Variants in RGL1 observed in about 807,000 individuals in gnomAD.
RGL1 encodes the protein ral guanine nucleotide dissociation stimulator like 1.
Under a neutral mutation model 95.2 loss-of-function variants are expected in RGL1, and 24 were observed. The ratio of observed to expected loss-of-function variants is 0.25; its 90% CI spans 0.18 to 0.35. The LOEUF (loss-of-function observed/expected upper bound fraction) is 0.35. RGL1 is among the 10% of genes least tolerant of loss of function. RGL1 has a pLI of 1.00. For missense variants in RGL1, 715 were observed against 936.3 expected (o/e 0.76, Z 3.08); for synonymous variants, 329 against 344.9 (o/e 0.95, Z 0.51).
chr1:183,897,692 A>C, intron 9 of RGL1, 116 bp from the exon 10 acceptor site: 1 of 672,946 alleles, frequency 1.5e-6, no homozygotes, highest in East Asian at 2.8e-5. Flanking sequence ...TTCATTTTGC[A>C]TGGTGTTCCG....
intron 3 of RGL1, among the ~76,000 whole-genome samples, chr1:183,856,770 G>A (rs1008873334): frequency 6.6e-6 from 1 of 151,904 alleles, no homozygotes; most frequent in Non-Finnish European, 1.5e-5. Flanking sequence ...AAAGAGGATT[G>A]TAAGAAGGGT....
intron 8 of RGL1, among the ~76,000 whole-genome samples, chr1:183,891,534 C>T (rs1163913180): frequency 1.3e-5 from 2 of 152,098 alleles, no homozygotes; most frequent in Non-Finnish European, 2.9e-5. Flanking sequence ...GGTTGCAGAG[C>T]CCATCCGGTT....
At chr1:183,721,836 A>G (rs1656028571) in intron 1 of RGL1, among the ~76,000 whole-genome samples, 1 of 152,168 alleles carries the variant, frequency 6.6e-6, no homozygotes, top group South Asian at 2.1e-4. Context: ...TCCCTTGCCT[A>G]CTTTTACTTT....
chr1:183,783,043 A>T (rs1445048254), intron 2 of RGL1, among the ~76,000 whole-genome samples: 4 of 152,210 alleles, frequency 2.6e-5, no homozygotes, highest in African/African-American at 9.6e-5. Flanking sequence ...TAACCGGGGG[A>T]GGGTAGAGCT....
At chr1:183,918,447 C>T (rs1669117244) in intron 16 of RGL1, among the ~76,000 whole-genome samples, 1 of 152,334 alleles carries the variant, frequency 6.6e-6, no homozygotes, top group Admixed American at 6.5e-5. Flanking sequence ...CTGCACCAAT[C>T]AGAGAGAATG....
intron 2 of RGL1, among the ~76,000 whole-genome samples, chr1:183,789,190 T>C (rs752103178): frequency 2.7e-4 from 41 of 152,312 alleles, no homozygotes; most frequent in South Asian, 1.2e-3. Flanking sequence ...ATGCCTATAA[T>C]CCCAGCACTT....
intron 1 of RGL1, among the ~76,000 whole-genome samples, chr1:183,641,904 C>G (rs1431148469): frequency 6.6e-6 from 1 of 152,190 alleles, no homozygotes; most frequent in Non-Finnish European, 1.5e-5. Flanking sequence ...AATCATGCAT[C>G]TCATCTACAT....
chr1:183,895,048 AT>A (rs1332581082), intron 9 of RGL1, among the ~76,000 whole-genome samples: 7 of 152,268 alleles, frequency 4.6e-5, no homozygotes, highest in Non-Finnish European at 1.0e-4. Flanking sequence ...CTTGGTAAGA[AT>A]TTTTTCGGTT....
intron 1 of RGL1, among the ~76,000 whole-genome samples, chr1:183,697,929 T>G (rs4497174): frequency 0.71 from 107,799 of 152,026 alleles, 38,734 homozygotes; most frequent in East Asian, 0.91. Flanking sequence ...TTTCTGTCTG[T>G]GTTGACCTAA....
At chr1:183,681,764 A>C (rs376282319) in intron 1 of RGL1, among the ~76,000 whole-genome samples, 5 of 152,236 alleles carry the variant, frequency 3.3e-5, no homozygotes, top group East Asian at 3.9e-4. Context: ...CACCTCCTCT[A>C]TGAACCTCTG....
At position 183,928,043 on chromosome 1, in the gene RGL1, T is replaced by C. The variant is rs1202227365; in HGVS notation, c.*1751T>C. ...TTTCAACTAGTCAAAAAGCACTTTC[T>C]TCTGTTTTCAATCCCTGTTCGATTT... On this transcript the variant is annotated 3_prime_UTR_variant, in exon 18 of 18. Transcript: ENST00000360851. 6.6e-6 allele frequency: 1 copy of C among 152,588 alleles called. No individual in the cohort carries two copies. Among genetic ancestry groups the C allele is most frequent in the Non-Finnish European group, 1.5e-5 (1 of 68,032 alleles). 9.5% of individuals were successfully genotyped at this position (152,588 alleles called of 1,614,324 possible).
At chr1:183,880,847 C>T (rs1666786661) in intron 5 of RGL1, 47 bp downstream of exon 5, 1 of 1,566,512 alleles carries the variant, frequency 6.4e-7, no homozygotes, top group African/African-American at 1.4e-5. Flanking sequence ...TCTGATTCTC[C>T]AGCCTCCACG....
chr1:183,680,524 C>G (rs552249405), intron 1 of RGL1, among the ~76,000 whole-genome samples: 2 of 151,938 alleles, frequency 1.3e-5, no homozygotes, highest in African/African-American at 4.8e-5. Context: ...CTGTTCTGTT[C>G]CATTGGTCTA....
At chr1:183,734,661 G>T (rs895201990) in intron 1 of RGL1, among the ~76,000 whole-genome samples, 13 of 152,180 alleles carry the variant, frequency 8.5e-5, no homozygotes, top group African/African-American at 3.1e-4. Context: ...TAAAGCTGGT[G>T]TTTACAGAAT....
At chr1:183,791,981 G>A (rs544846298) in intron 2 of RGL1, among the ~76,000 whole-genome samples, 1 of 152,168 alleles carries the variant, frequency 6.6e-6, no homozygotes, top group African/African-American at 2.4e-5. Context: ...TACTAACTTA[G>A]AAGTCGCTTT....
At chr1:183,658,234 G>A (rs1324104472) in intron 1 of RGL1, among the ~76,000 whole-genome samples, 6 of 152,172 alleles carry the variant, frequency 3.9e-5, no homozygotes, top group East Asian at 1.9e-4. Context: ...TGCACCATGC[G>A]CCAGCCGAAG....
intron 1 of RGL1, among the ~76,000 whole-genome samples, chr1:183,713,071 G>C (rs1655383905): frequency 6.6e-6 from 1 of 152,076 alleles, no homozygotes; most frequent in African/African-American, 2.4e-5. Flanking sequence ...TCTCGCCCAG[G>C]CTGGAGTACA....
chr1:183,796,164 A>ATT (rs566005120), intron 2 of RGL1, among the ~76,000 whole-genome samples: 29 of 128,082 alleles, frequency 2.3e-4, no homozygotes, highest in South Asian at 4.9e-4. Flanking sequence ...TTGTATTCCT[A>ATT]TTTTTTTTTT....
At chr1:183,902,329 A>G (rs755497064) in intron 11 of RGL1, among the ~76,000 whole-genome samples, 10 of 152,178 alleles carry the variant, frequency 6.6e-5, no homozygotes, top group Non-Finnish European at 1.3e-4. Flanking sequence ...ATTTATCATT[A>G]CTATTTTAGT....
Sources: allele counts gnomAD v4.1 joint callset (sites outside exome capture counted in the v4.1 genomes callset), GRCh38; gene constraint gnomAD v4.1.1; transcripts MANE v1.5; gene names NCBI Gene and HGNC (gene_info 2026-07-23, HGNC 2026-07-21).